Variants in DOCK1 observed in about 807,000 individuals in gnomAD.
DOCK1 encodes the protein dedicator of cytokinesis 1.
In DOCK1, 138 loss-of-function variants were observed where a neutral mutation model predicts 262.7. That is an observed-to-expected ratio of 0.53 (90% CI 0.46 to 0.61). The LOEUF is 0.61. DOCK1 is among the 20% of genes least tolerant of loss of function. The pLI, the probability that DOCK1 is intolerant of heterozygous loss-of-function variation, is 0.00. For missense variants in DOCK1, 1,908 were observed against 2,370.7 expected (o/e 0.80, Z 4.05); for synonymous variants, 866 against 867.4 (o/e 1.00, Z 0.03).
At chr10:126,978,401 C>A (rs1361232259) in intron 3 of DOCK1, among the ~76,000 whole-genome samples, 1 of 152,152 alleles carries the variant, frequency 6.6e-6, no homozygotes, top group Non-Finnish European at 1.5e-5. Flanking sequence ...TTCCCTCTTG[C>A]ATATAACTGT....
intron 24 of DOCK1, 101 bp downstream of exon 24, chr10:127,106,402 CAT>C: frequency 8.0e-7 from 1 of 1,250,042 alleles, no homozygotes; most frequent in Non-Finnish European, 1.1e-6. Context: ...CTCATGTCTC[CAT>C]ATGTCAGTGC....
chr10:126,917,689 C>A (rs1349153100), intron 1 of DOCK1, among the ~76,000 whole-genome samples: 1 of 152,106 alleles, frequency 6.6e-6, no homozygotes, highest in Non-Finnish European at 1.5e-5. Flanking sequence ...GCTGTGGGGA[C>A]AAGATTTTGC....
Position 127,037,749 on chromosome 10 carries a change from C to T in DOCK1, c.1943C>T (p.Ser648Phe), listed in dbSNP as rs755211550. 1 of 1,595,744 alleles carries T rather than the reference C, an allele frequency of 6.3e-7. No individual in the cohort carries two copies. The highest frequency in any genetic ancestry group is 1.1e-5 in the South Asian group (1 of 87,322). The change falls in exon 19 of 52, where the codon TCC becomes TTC. Residue 648 changes from serine (S) to phenylalanine (F), a missense_variant. Ser to Phe is a radical substitution (Grantham distance 155, BLOSUM62 -2). Around this residue, in one of 9 missense-constraint regions of DOCK1, gnomAD observed 294 missense variants for 439.9 expected, o/e 0.67. Transcript: ENST00000623213. ...CTTCTGGGGCTCTTGAAATGGCGCT[C>T]CAACACCAGCCTGCTGCAGCAGAAC... ...VDLLGLLKWR[S>F]NTSLLQQNLR...
intron 18 of DOCK1, among the ~76,000 whole-genome samples, chr10:127,034,070 C>T (rs1233915077): frequency 6.6e-6 from 1 of 152,074 alleles, no homozygotes; most frequent in Non-Finnish European, 1.5e-5. Context: ...TGCAGCCGTG[C>T]AGTGGGGAAG....
At chr10:127,197,261 A>C (rs2057238950) in intron 27 of DOCK1, among the ~76,000 whole-genome samples, 1 of 152,172 alleles carries the variant, frequency 6.6e-6, no homozygotes, top group South Asian at 2.1e-4. Flanking sequence ...TCCAGAGCAC[A>C]CACCACCCGT....
At chr10:126,916,637 CCTT>C (rs1175653927) in intron 1 of DOCK1, among the ~76,000 whole-genome samples, 4 of 152,030 alleles carry the variant, frequency 2.6e-5, no homozygotes, top group African/African-American at 9.7e-5. Flanking sequence ...TCCCTTCTCC[CCTT>C]CTTCCCTCAT....
At chr10:126,941,625 G>T (rs1257847970) in intron 1 of DOCK1, among the ~76,000 whole-genome samples, 1 of 152,134 alleles carries the variant, frequency 6.6e-6, no homozygotes, top group South Asian at 2.1e-4. Flanking sequence ...GCGTGGTGGC[G>T]GGTGCCTGTA....
rs779384663 is a variant in DOCK1 at position 127,106,319 on chromosome 10, G to A, written c.2516+18G>A. The A allele has an allele frequency of 5.0e-5, 80 of 1,586,172 alleles. No homozygotes were observed. The Admixed American group carries it at 8.4e-4, about 17-fold the overall frequency. The stretch of plus-strand genomic sequence containing the variant: ...GAGCTCAGGTAAGTATGCAGCCCAG[G>A]CGAATGCTTGTCACGTGCCGTGTGT... On this transcript the variant is annotated intron_variant, in intron 24 of 51. Coordinates refer to ENST00000623213, the MANE Select transcript of DOCK1 (RefSeq NM_001290223.2).
chr10:127,138,438 G>C (rs1355132726), intron 27 of DOCK1, among the ~76,000 whole-genome samples: 1 of 152,112 alleles, frequency 6.6e-6, no homozygotes, highest in Non-Finnish European at 1.5e-5. Context: ...GTCCGTTCCT[G>C]TGCAATGTAT....
rs1281890367 is a variant in DOCK1 at position 126,950,394 on chromosome 10, G to A, written c.47-20308G>A. 7.9e-5 allele frequency among the ~76,000 whole-genome samples: 12 copies of A among 152,140 alleles called. No individual in the cohort carries two copies. In the East Asian group the frequency reaches 2.1e-3, roughly 27 times the overall value. ...TGTGCTTGCCTGCAGGGTCAGCTTAGCCTAGCTGTGACATGTAAAGGCTCT... is the reference window on the plus strand; with the variant it reads ...TGTGCTTGCCTGCAGGGTCAGCTTAACCTAGCTGTGACATGTAAAGGCTCT... On this transcript the variant is annotated intron_variant, in intron 1 of 51. Transcript: ENST00000623213.
At chr10:127,247,943 G>A in intron 27 of DOCK1, 65 bp from the exon 28 acceptor site, 1 of 1,504,322 alleles carries the variant, frequency 6.6e-7, no homozygotes. Flanking sequence ...AATCTGGGAT[G>A]ATTTCGGCTT....
At chr10:127,170,683 T>G (rs2054491424) in intron 27 of DOCK1, among the ~76,000 whole-genome samples, 1 of 152,162 alleles carries the variant, frequency 6.6e-6, no homozygotes, top group African/African-American at 2.4e-5. Flanking sequence ...ATCCCATAGC[T>G]GCTACAGTGA....
In DOCK1 at chr10:127,351,545, C is replaced by T. The variant is rs191686213; in HGVS notation, c.3225-3124C>T. Among the ~76,000 whole-genome samples the T allele has an allele frequency of 4.1e-3, 599 of 147,486 alleles. 2 individuals carry two copies. Among genetic ancestry groups the T allele is most frequent in the South Asian group, 0.012 (57 of 4,804 alleles). ...GACTTGGATTCTCTACTCTCCTTCCCGGTGAGGATGGCCATGTCATTTTGC... is the reference window on the plus strand; with the variant it reads ...GACTTGGATTCTCTACTCTCCTTCCTGGTGAGGATGGCCATGTCATTTTGC... On this transcript the variant is annotated intron_variant, in intron 31 of 51. Transcript: ENST00000623213.
intron 49 of DOCK1, 122 bp downstream of exon 49, chr10:127,439,347 G>C: frequency 2.0e-6 from 2 of 1,017,176 alleles, no homozygotes; most frequent in Non-Finnish European, 2.8e-6. Context: ...TAGCAACTCA[G>C]AAACCTGGGG....
chr10:127,303,785 A>G (rs2061776101), intron 29 of DOCK1, among the ~76,000 whole-genome samples: 1 of 152,148 alleles, frequency 6.6e-6, no homozygotes, highest in African/African-American at 2.4e-5. Flanking sequence ...CTTGAGCTTG[A>G]GAGGTTGAGG....
intron 1 of DOCK1, among the ~76,000 whole-genome samples, chr10:126,957,963 T>C (rs1591446455): frequency 6.6e-6 from 1 of 152,182 alleles, no homozygotes. Flanking sequence ...AAGTCAGACA[T>C]AAAGGAGCAC....
rs916789996 is a variant in DOCK1, at chr10:127,437,063, A to G, written c.5061-1964A>G. ...TTTAATTCGCGTCTCGATTCTCCAT[A>G]TTCCCTGCATATTGGTGGTTGAATC... On this transcript the variant is annotated intron_variant, in intron 48 of 51. Coordinates refer to ENST00000623213, the MANE Select transcript of DOCK1 (RefSeq NM_001290223.2). The surrounding 1 kb of genome is among the most constrained non-coding windows in gnomAD (Gnocchi z 4.4). Among the ~76,000 whole-genome samples the G allele has an allele frequency of 3.9e-5, 6 of 152,140 alleles. No individual in the cohort carries two copies. The highest frequency in any genetic ancestry group is 1.4e-4 in the African/African-American group (6 of 41,424).
In DOCK1 at chr10:126,921,907, A is replaced by T. The variant is rs115570953; in HGVS notation, c.46+16344A>T. 7.5e-3 allele frequency among the ~76,000 whole-genome samples: 1,142 copies of T among 151,984 alleles called. 19 individuals carry two copies. Among genetic ancestry groups the T allele is most frequent in the African/African-American group, 0.026 (1,095 of 41,470 alleles). On this transcript the variant is annotated intron_variant, in intron 1 of 51. Coordinates refer to ENST00000623213, the MANE Select transcript of DOCK1 (RefSeq NM_001290223.2). ...CCTCAGGTGATCCACAAGGCTAGGT[A>T]ATTTATAAGAAAAGAGGTATAAGGC...
chr10:127,128,378 CTT>C lies in DOCK1; in HGVS notation c.2847+626_2847+627del, dbSNP rs34350327. Among the ~76,000 whole-genome samples the C allele has an allele frequency of 7.9e-3, 1,073 of 136,234 alleles. 11 individuals are homozygous for C. The highest frequency in any genetic ancestry group is 0.028 in the African/African-American group (1,024 of 36,038). The allele number at this position is 136,234 out of a possible 152,430, so 89.4% of individuals were successfully genotyped here. On this transcript the variant is annotated intron_variant, in intron 27 of 51. Coordinates refer to ENST00000623213, the MANE Select transcript of DOCK1 (RefSeq NM_001290223.2). ...GGTTCAAGGGGTTATAATTTCTTTC[CTT>C]TTTTTTTTTTTCTTTAATTTCTGGG...
Sources: allele counts gnomAD v4.1 joint callset (sites outside exome capture counted in the v4.1 genomes callset), GRCh38; gene constraint gnomAD v4.1.1; regional missense constraint gnomAD v4.1.1; non-coding constraint Gnocchi (gnomAD v3.1); transcripts MANE v1.5; gene names NCBI Gene and HGNC (gene_info 2026-07-23, HGNC 2026-07-21).